SERINC5: variants seen among roughly 807,000 people sequenced by gnomAD.
SERINC5 encodes the protein chromosome 5 open reading frame 12.
SERINC5 carries 41 observed loss-of-function variants against 63.1 expected under a neutral mutation model. That is an observed-to-expected ratio of 0.65 (90% CI 0.51 to 0.84). SERINC5 has a LOEUF of 0.84. SERINC5 is among the 40% of genes least tolerant of loss of function. The probability of loss-of-function intolerance (pLI) is 0.00; values close to 1 mark genes in which losing one functional copy is unlikely to be tolerated. For synonymous variants in SERINC5, 222 were observed against 215.2 expected (o/e 1.03, Z -0.28); for missense variants, 523 against 573.0 (o/e 0.91, Z 0.89).
chr5:80,125,626 T>G (rs909666699), intron 11 of SERINC5, among the ~76,000 whole-genome samples: 2 of 152,200 alleles, frequency 1.3e-5, no homozygotes, highest in African/African-American at 4.8e-5. Context: ...AGGAATGACC[T>G]TGAAGACTTG....
In SERINC5 at chr5:80,175,474, C is replaced by A. The variant is rs1747966582; in HGVS notation, c.458-427G>T. Among the ~76,000 whole-genome samples, 3 of 152,148 alleles carry A rather than the reference C, an allele frequency of 2.0e-5. No individual in the cohort carries two copies. The South Asian group carries it at 6.2e-4, about 32-fold the overall frequency. On this transcript the variant is annotated intron_variant, in intron 4 of 11. Coordinates refer to ENST00000507668, the MANE Select transcript of SERINC5 (RefSeq NM_001174072.3). Reference sequence around the variant, plus strand: ...CAATGACCAGTAAAGAAACAAGGTTCAGACAGGGGACAAGGACTCGGTTCG... The same window carrying A: ...CAATGACCAGTAAAGAAACAAGGTTAAGACAGGGGACAAGGACTCGGTTCG...
At chr5:80,219,735 T>C (rs1215634442) in intron 1 of SERINC5, among the ~76,000 whole-genome samples, 1 of 152,226 alleles carries the variant, frequency 6.6e-6, no homozygotes, top group Non-Finnish European at 1.5e-5. Context: ...CTCCTGTTTA[T>C]GTTCTTAAAA....
intron 1 of SERINC5, among the ~76,000 whole-genome samples, chr5:80,216,976 A>C (rs1176915719): frequency 6.6e-6 from 1 of 152,178 alleles, no homozygotes; most frequent in Non-Finnish European, 1.5e-5. Flanking sequence ...GCATCACTGC[A>C]CTTCAGCCTG....
At chr5:80,237,898 A>G (rs541074404) in intron 1 of SERINC5, among the ~76,000 whole-genome samples, 8 of 151,926 alleles carry the variant, frequency 5.3e-5, no homozygotes, top group African/African-American at 1.9e-4. Flanking sequence ...AGGTCAAGAG[A>G]TCGAGACCAT....
At chr5:80,147,379 G>A (rs1477261154) in intron 9 of SERINC5, 95 bp from the exon 10 acceptor site, 13 of 1,303,060 alleles carry the variant, frequency 1.0e-5, no homozygotes, top group Middle Eastern at 1.8e-4. Flanking sequence ...CACCTCCCAG[G>A]CCCTTCAAAA....
chr5:80,145,925 G>A (rs1016610149), intron 11 of SERINC5, among the ~76,000 whole-genome samples, 165 bp downstream of exon 11: 6 of 152,152 alleles, frequency 3.9e-5, no homozygotes, highest in Admixed American at 1.3e-4. Flanking sequence ...CACAAGAATC[G>A]CTTGAACCTG....
intron 1 of SERINC5, among the ~76,000 whole-genome samples, chr5:80,245,933 T>C (rs994743600): frequency 1.4e-5 from 2 of 142,534 alleles, no homozygotes; most frequent in East Asian, 2.1e-4. Flanking sequence ...TATTTATCAA[T>C]TGACATTTTA....
chr5:80,184,885 T>C (rs1019076193), intron 2 of SERINC5, among the ~76,000 whole-genome samples: 1 of 152,084 alleles, frequency 6.6e-6, no homozygotes, highest in Non-Finnish European at 1.5e-5. Context: ...CTGTATGTTG[T>C]TTCTTTTTTT....
chr5:80,165,944 C>T (rs369124194), intron 7 of SERINC5, among the ~76,000 whole-genome samples: 75 of 152,112 alleles, frequency 4.9e-4, no homozygotes, highest in African/African-American at 1.4e-3. Context: ...ACATTTCTAA[C>T]GTTTATTTTT....
intron 5 of SERINC5, among the ~76,000 whole-genome samples, chr5:80,172,261 C>T (rs1747719272): frequency 6.6e-6 from 1 of 152,098 alleles, no homozygotes; most frequent in Admixed American, 6.5e-5. Context: ...GCAGAGGCTG[C>T]GGTGAGCCCA....
At chr5:80,163,180 G>T (rs1747056281) in intron 7 of SERINC5, among the ~76,000 whole-genome samples, 1 of 151,616 alleles carries the variant, frequency 6.6e-6, no homozygotes, top group African/African-American at 2.4e-5. Context: ...TTTGTATGTT[G>T]ACTTTGTATA....
chr5:80,131,382 T>A (rs1744943769), intron 11 of SERINC5, among the ~76,000 whole-genome samples: 2 of 152,218 alleles, frequency 1.3e-5, no homozygotes, highest in Non-Finnish European at 2.9e-5. Context: ...CAATTAAACC[T>A]TTTTCATTTA....
At chr5:80,221,281 C>T (rs1037901921) in intron 1 of SERINC5, among the ~76,000 whole-genome samples, 1 of 152,204 alleles carries the variant, frequency 6.6e-6, no homozygotes, top group Non-Finnish European at 1.5e-5. Flanking sequence ...TCCTGCGCAC[C>T]TTTAATAATC....
At chr5:80,230,979 T>C in intron 1 of SERINC5, among the ~76,000 whole-genome samples, 1 of 145,796 alleles carries the variant, frequency 6.9e-6, no homozygotes, top group East Asian at 2.0e-4. Flanking sequence ...ACCTGGCTAA[T>C]ATTTGTATTT....
intron 9 of SERINC5, among the ~76,000 whole-genome samples, chr5:80,150,126 T>C (rs1230468221): frequency 6.6e-6 from 1 of 152,200 alleles, no homozygotes; most frequent in Non-Finnish European, 1.5e-5. Flanking sequence ...GCAGATATGG[T>C]TCCTTCCCTT....
chr5:80,243,784 TAAAA>T (rs1752048237), intron 1 of SERINC5, among the ~76,000 whole-genome samples: 1 of 148,782 alleles, frequency 6.7e-6, no homozygotes, highest in South Asian at 2.1e-4. Context: ...AATAAATAAA[TAAAA>T]CAAAATAAAA....
chr5:80,219,990 C>T, intron 1 of SERINC5, among the ~76,000 whole-genome samples: 1 of 152,062 alleles, frequency 6.6e-6, no homozygotes, highest in East Asian at 1.9e-4. Context: ...GGTGGATCAC[C>T]TGAGGTCAGG....
chr5:80,117,310 T>C (rs960276405), intron 11 of SERINC5, among the ~76,000 whole-genome samples: 1 of 152,060 alleles, frequency 6.6e-6, no homozygotes, highest in Non-Finnish European at 1.5e-5. Context: ...GTTTCCTCAT[T>C]TGTAAAATAG....
chr5:80,179,918 A>G (rs1748310426), intron 2 of SERINC5, among the ~76,000 whole-genome samples: 1 of 152,188 alleles, frequency 6.6e-6, no homozygotes, highest in African/African-American at 2.4e-5. Flanking sequence ...ACATTTCCCA[A>G]CTTGGACATC....
Sources: allele counts gnomAD v4.1 joint callset (sites outside exome capture counted in the v4.1 genomes callset), GRCh38; gene constraint gnomAD v4.1.1; transcripts MANE v1.5; gene names NCBI Gene and HGNC (gene_info 2026-07-23, HGNC 2026-07-21).